MYH2: variants seen among roughly 807,000 people sequenced by gnomAD.
The protein encoded by MYH2 is myosin heavy chain 2.
MYH2 carries 139 observed loss-of-function variants against 228.1 expected under a neutral mutation model. The ratio of observed to expected loss-of-function variants is 0.61; its 90% CI spans 0.53 to 0.70. The LOEUF is 0.70. MYH2 is among the 30% of genes least tolerant of loss of function. The pLI is 0.00. For missense variants in MYH2, 1,809 were observed against 2,357.5 expected, an observed-to-expected ratio of 0.77 and a Z score of 4.82; for synonymous variants, 796 against 871.1, an observed-to-expected ratio of 0.91 and a Z score of 1.52.
At position 10,547,771 on chromosome 17, in the gene MYH2, C is replaced by A; in HGVS notation, c.150G>T (p.Gly50=). 1 of 1,614,226 alleles carries A rather than the reference C, an allele frequency of 6.2e-7. No homozygotes were observed. Among genetic ancestry groups the A allele is most frequent in the Non-Finnish European group, 8.5e-7 (1 of 1,180,044 alleles). ...TTCCTCCTTCTCTGCTCTGGATGGT[C>A]CCTTTGACAAAGGATTCTTTGGGCT... ...VAEPKESFVK[G]TIQSREGGKV... Residue 50 remains glycine, a synonymous_variant, in exon 3 of 40, where the codon GGG becomes GGT. Coordinates refer to ENST00000245503, the MANE Select transcript of MYH2 (RefSeq NM_017534.6).
At position 10,537,095 on chromosome 17, in the gene MYH2, G is replaced by A. The variant is rs1388664941; in HGVS notation, c.1897+138C>T. 4 of 1,151,878 alleles carry A rather than the reference G, an allele frequency of 3.5e-6. No homozygotes were observed. Among genetic ancestry groups the A allele is most frequent in the Non-Finnish European group, 3.9e-6 (3 of 776,398 alleles). 71.4% of individuals were successfully genotyped at this position (1,151,878 alleles called of 1,614,324 possible). A position where few individuals can be genotyped will look rare whatever the true frequency, so the allele number is the denominator to read the frequency against. ...GTGAGCCACAAATGTATAATTACAA[G>A]GCTGCCTATCTATTCAATACTTGGA... is the stretch of plus-strand genomic sequence containing the variant. On this transcript the variant is annotated intron_variant, in intron 16 of 39. Transcript: ENST00000245503. This position sits in a 1 kb window ranked among gnomAD's most constrained non-coding sequence, Gnocchi z 4.0.
chr17:10,542,852 A>G (rs2073574480), intron 10 of MYH2, 23 bp downstream of exon 10: 1 of 1,503,664 alleles, frequency 6.7e-7, no homozygotes, highest in Non-Finnish European at 9.2e-7. Context: ...GTAATTCTGG[A>G]AAAGAATTAT....
At position 10,537,550 on chromosome 17, in the gene MYH2, G is replaced by C; in HGVS notation, c.1588-8C>G. 1.2e-6 allele frequency: 2 copies of C among 1,614,130 alleles called. No individual in the cohort carries two copies. The highest frequency in any genetic ancestry group is 1.6e-4 in the Middle Eastern group (1 of 6,062). ...GGAGAAGATGCCCATAGGCTAAAAA[G>C]CAGACCACAACACAAAATTGTACTT... On this transcript the variant is annotated splice_polypyrimidine_tract_variant and splice_region_variant and intron_variant, in intron 15 of 39. Coordinates refer to ENST00000245503, the MANE Select transcript of MYH2 (RefSeq NM_017534.6). This position sits in a 1 kb window ranked among gnomAD's most constrained non-coding sequence, Gnocchi z 4.0.
intron 16 of MYH2, among the ~76,000 whole-genome samples, chr17:10,536,860 G>C (rs1309267315): frequency 2.0e-5 from 3 of 152,188 alleles, no homozygotes; most frequent in Non-Finnish European, 4.4e-5. Flanking sequence ...GACATGTGAG[G>C]AGCTAACTTC....
In MYH2 at chr17:10,539,547, G is replaced by GC. The variant is rs1231007813; in HGVS notation, c.1162dup (p.Ala388GlyfsTer25). ...TGCAGAGTTCAGACTCTGGAGGTAG[G>GC]CCGCCTTGTCAGCAACTAAAAAGAA... On this transcript the variant is annotated frameshift_variant, in exon 13 of 40. Transcript: ENST00000245503. LOFTEE classifies it high-confidence loss of function. 1.9e-6 allele frequency: 3 copies of GC among 1,613,944 alleles called. No homozygotes were observed. The highest frequency in any genetic ancestry group is 2.7e-5 in the African/African-American group (2 of 74,900).
At chr17:10,532,778 C>A (rs1442702285) in intron 21 of MYH2, among the ~76,000 whole-genome samples, 1 of 152,170 alleles carries the variant, frequency 6.6e-6, no homozygotes, top group Non-Finnish European at 1.5e-5. Flanking sequence ...CAAATTAGAT[C>A]ACCAAATAGC....
At position 10,525,352 on chromosome 17, in the gene MYH2, T is replaced by C; in HGVS notation, c.4538-4A>G. 6.2e-7 allele frequency: 1 copy of C among 1,614,186 alleles called. No individual in the cohort carries two copies. Among genetic ancestry groups the C allele is most frequent in the Non-Finnish European group, 8.5e-7 (1 of 1,180,028 alleles). The stretch of plus-strand genomic sequence containing the variant: ...TCCGTGAGGTCAGAAATCTCCTCTG[T>C]TGTTTGAGTAAAAGACAGGTAGGGA... On this transcript the variant is annotated splice_region_variant and splice_polypyrimidine_tract_variant and intron_variant, in intron 32 of 39. Transcript: ENST00000245503. This position sits in a 1 kb window ranked among gnomAD's most constrained non-coding sequence, Gnocchi z 4.2.
At position 10,526,801 on chromosome 17, in the gene MYH2, G is replaced by A; in HGVS notation, c.3991-6C>T. On this transcript the variant is annotated splice_region_variant and splice_polypyrimidine_tract_variant and intron_variant, in intron 29 of 39. Coordinates refer to ENST00000245503, the MANE Select transcript of MYH2 (RefSeq NM_017534.6). ...TGCGCCAGGGCGTTCTTGGCCTATG[G>A]AGGCAGTTACACCTTCATTTTACTG... The A allele has an allele frequency of 6.2e-7, 1 of 1,614,250 alleles. No individual in the cohort carries two copies. The highest frequency in any genetic ancestry group is 8.5e-7 in the Non-Finnish European group (1 of 1,180,054).
intron 8 of MYH2, 33 bp from the exon 9 acceptor site, chr17:10,543,194 T>C: frequency 6.9e-7 from 1 of 1,447,954 alleles, no homozygotes; most frequent in Non-Finnish European, 9.6e-7. Context: ...CTACCTTTTT[T>C]TTATATAATA....
At chr17:10,521,885 T>C (rs752942673) in intron 39 of MYH2, among the ~76,000 whole-genome samples, 14 of 152,178 alleles carry the variant, frequency 9.2e-5, no homozygotes, top group Non-Finnish European at 1.6e-4. Context: ...GTTACTTTTT[T>C]CCTCCTGCAT....
chr17:10,530,241 G>A (rs1471468126), intron 22 of MYH2, among the ~76,000 whole-genome samples, 167 bp from the exon 23 acceptor site: 1 of 152,198 alleles, frequency 6.6e-6, no homozygotes, highest in Non-Finnish European at 1.5e-5. Context: ...TTTTCCACAT[G>A]TGGGTAAGCC....
chr17:10,533,843 C>T (rs2073453069), intron 19 of MYH2, among the ~76,000 whole-genome samples: 1 of 152,124 alleles, frequency 6.6e-6, no homozygotes, highest in African/African-American at 2.4e-5. Flanking sequence ...TCCTTTCTGT[C>T]TCATCAGACC....
In MYH2 at chr17:10,533,550, T is replaced by A; in HGVS notation, c.2263A>T (p.Ile755Phe). The part of the protein sequence containing the change: ...KKASEKLLAS[I>F]DIDHTQYKFG... ...TTATACTGGGTGTGGTCAATGTCGA[T>A]GGATGCAAGGAGCTTCTCAGAGGCC... Residue 755 changes from isoleucine (I) to phenylalanine (F), a missense_variant, in exon 20 of 40, where the codon ATC (isoleucine) becomes TTC (phenylalanine). By Grantham distance (21) the Ile-to-Phe change is conservative (BLOSUM62 0). Around this residue, in one of 9 missense-constraint regions of MYH2, gnomAD observed 276 missense variants for 344.2 expected, o/e 0.80. Transcript: ENST00000245503. 6.2e-7 allele frequency: 1 copy of A among 1,614,224 alleles called. No individual in the cohort carries two copies. Among genetic ancestry groups the A allele is most frequent in the Non-Finnish European group, 8.5e-7 (1 of 1,180,016 alleles).
rs1177012967 is a variant in MYH2 at position 10,523,149 on chromosome 17, C to A, written c.5614G>T (p.Asp1872Tyr). ...EDRKNILRLQ[D>Y]LVDKLQAKVK... ...TTTGCCTGAAGTTTATCTACCAAAT[C>A]TTGAAGCCTGAGAATATTCTTTCTA... Residue 1872 changes from aspartate (D) to tyrosine (Y), a missense_variant, in exon 39 of 40, where the codon GAT becomes TAT. Around this residue, in one of 9 missense-constraint regions of MYH2, gnomAD observed 278 missense variants for 308.5 expected, o/e 0.90. Transcript: ENST00000245503. 6.2e-7 allele frequency: 1 copy of A among 1,614,066 alleles called. No individual in the cohort carries two copies.
intron 10 of MYH2, among the ~76,000 whole-genome samples, chr17:10,541,471 G>A (rs1346303917): frequency 6.6e-6 from 1 of 152,146 alleles, no homozygotes; most frequent in African/African-American, 2.4e-5. Context: ...CCGGTTGTCT[G>A]CTCTCAAACC....
chr17:10,529,116 T>C, intron 26 of MYH2, 37 bp from the exon 27 acceptor site: 2 of 1,614,228 alleles, frequency 1.2e-6, no homozygotes, highest in Non-Finnish European at 1.7e-6. Context: ...AGCTTCTTTG[T>C]GTCATAACTG....
Position 10,523,330 on chromosome 17 carries a change from C to A in MYH2, c.5555G>T (p.Arg1852Leu), listed in dbSNP as rs769778269. Residue 1852 changes from arginine to leucine, a missense_variant, in exon 38 of 40, where the codon CGA becomes CTA. Transcript: ENST00000245503. Reference protein sequence around the residue: ...AVKGLRKHERRVKELTYQTEE... With the variant: ...AVKGLRKHERLVKELTYQTEE... ...TACCTGGTAAGTGAGTTCCTTCACT[C>A]GCCTCTCATGTTTGCGCAGACCTTT... is the stretch of plus-strand genomic sequence containing the variant. 6.2e-6 allele frequency: 10 copies of A among 1,614,180 alleles called. No homozygotes were observed. The highest frequency in any genetic ancestry group is 8.5e-6 in the Non-Finnish European group (10 of 1,180,046).
intron 30 of MYH2, among the ~76,000 whole-genome samples, chr17:10,526,105 G>A (rs1424996843): frequency 2.0e-5 from 3 of 152,046 alleles, no homozygotes; most frequent in African/African-American, 7.2e-5. Context: ...AAGTGAGAGA[G>A]GTAAACAATA....
intron 19 of MYH2, among the ~76,000 whole-genome samples, chr17:10,534,339 T>C (rs1441077853): frequency 2.0e-5 from 3 of 152,256 alleles, no homozygotes; most frequent in Non-Finnish European, 1.5e-5. Context: ...TATGTTTGTA[T>C]GGAAGAGTTT....
Sources: gnomAD v4.1 joint callset for allele counts (sites outside exome capture counted in the v4.1 genomes callset) on GRCh38, gnomAD v4.1.1 for gene constraint, gnomAD v4.1.1 regional missense constraint, Gnocchi (gnomAD v3.1) non-coding constraint, MANE v1.5 for transcripts, NCBI Gene and HGNC (gene_info 2026-07-23, HGNC 2026-07-21) for gene names.